CACNA1D: variants seen among roughly 807,000 people sequenced by gnomAD.
The protein encoded by CACNA1D is voltage-dependent L-type calcium channel subunit alpha-1D.
In CACNA1D, 55 loss-of-function variants were observed where a neutral mutation model predicts 257.1. The observed-to-expected ratio is 0.21, with a 90% CI of 0.17 to 0.27. The LOEUF is 0.27. Among genes scored for constraint, CACNA1D ranks in the 10% least tolerant of loss-of-function variants. CACNA1D has a pLI of 1.00. For missense variants in CACNA1D, 1,876 were observed against 2,784.0 expected (o/e 0.67, Z 7.34); for synonymous variants, 980 against 1,014.9 (o/e 0.97, Z 0.65).
chr3:53,495,657 C>A lies in CACNA1D; in HGVS notation c.67+424C>A. 6.6e-6 allele frequency among the ~76,000 whole-genome samples: 1 copy of A among 152,242 alleles called. No homozygotes were observed. The highest frequency in any genetic ancestry group is 1.5e-5 in the Non-Finnish European group (1 of 68,036). On this transcript the variant is annotated intron_variant, in intron 1 of 47. Transcript: ENST00000350061. The surrounding 1 kb of genome is among the most constrained non-coding windows in gnomAD (Gnocchi z 5.1). Reference sequence around the variant, plus strand: ...CCCTCGTTGACTAGGAAGAAGGTCCCTGGTGGCATCCGGAAAATTCTAGGA... The same window carrying A: ...CCCTCGTTGACTAGGAAGAAGGTCCATGGTGGCATCCGGAAAATTCTAGGA...
At chr3:53,747,537 C>T (rs2095182264) in intron 26 of CACNA1D, 89 bp downstream of exon 26, 1 of 1,374,276 alleles carries the variant, frequency 7.3e-7, no homozygotes, top group East Asian at 2.3e-5. Flanking sequence ...CATTTCTGTT[C>T]TCCAGTGTCG....
intron 3 of CACNA1D, among the ~76,000 whole-genome samples, chr3:53,559,821 T>G (rs1380558808): frequency 6.6e-6 from 1 of 152,176 alleles, no homozygotes; most frequent in Non-Finnish European, 1.5e-5. Flanking sequence ...TGCATTACTT[T>G]ACGTGACTGT....
At chr3:53,805,805 T>TCCCTC (rs2095560310) in intron 45 of CACNA1D, among the ~76,000 whole-genome samples, 2 of 85,088 alleles carry the variant, frequency 2.4e-5, no homozygotes, top group Admixed American at 2.4e-4. Context: ...CCTCCTCCTC[T>TCCCTC]ATCTTCCCTC....
chr3:53,503,235 A>G (rs539563210), intron 3 of CACNA1D, among the ~76,000 whole-genome samples: 9 of 152,366 alleles, frequency 5.9e-5, no homozygotes, highest in South Asian at 2.1e-4. Flanking sequence ...GGAGTCGGAT[A>G]ACCACATAAA....
At position 53,665,790 on chromosome 3, in the gene CACNA1D, A is replaced by G; in HGVS notation, c.897A>G (p.Lys299=). The G allele has an allele frequency of 6.2e-7, 1 of 1,613,304 alleles. No homozygotes were observed. The change falls in exon 6 of 48, where the codon AAA becomes AAG. Residue 299 remains lysine, a synonymous_variant. Transcript: ENST00000350061. The part of the protein sequence containing the change: ...GLELFIGKMH[K]TCFFADSDIV... ...AACTTTTTATTGGAAAAATGCACAA[A>G]ACATGTTTTTTTGCTGACTCAGGTG... is the stretch of plus-strand genomic sequence containing the variant.
chr3:53,804,456 C>CT (rs2095551914), intron 44 of CACNA1D, among the ~76,000 whole-genome samples: 1 of 152,200 alleles, frequency 6.6e-6, no homozygotes. Flanking sequence ...TAGGGCCTTG[C>CT]TTTTTATTTC....
At chr3:53,799,962 C>A (rs1041794939) in intron 40 of CACNA1D, 1 of 470,248 alleles carries the variant, frequency 2.1e-6, no homozygotes, top group East Asian at 4.2e-5. Flanking sequence ...CCTGGCAGAT[C>A]CTAGCACTAG....
intron 3 of CACNA1D, among the ~76,000 whole-genome samples, chr3:53,552,484 A>C (rs984112710): frequency 6.6e-6 from 1 of 152,096 alleles, no homozygotes; most frequent in Non-Finnish European, 1.5e-5. Context: ...AGGTTCAGGC[A>C]ATTCTCCTGC....
At chr3:53,710,435 AAAG>A (rs1208463462) in intron 9 of CACNA1D, 5 of 456,618 alleles carry the variant, frequency 1.1e-5, no homozygotes, top group African/African-American at 2.0e-5. Context: ...ATAAGAAGAA[AAAG>A]AAGTTTTGCT....
chr3:53,581,005 C>A (rs1447937587), intron 3 of CACNA1D, among the ~76,000 whole-genome samples: 1 of 152,198 alleles, frequency 6.6e-6, no homozygotes, highest in Non-Finnish European at 1.5e-5. Context: ...GTTTGGCCAC[C>A]TAAGCAATCT....
intron 3 of CACNA1D, among the ~76,000 whole-genome samples, chr3:53,520,226 C>G (rs952130728): frequency 6.6e-6 from 1 of 152,210 alleles, no homozygotes. Flanking sequence ...AGCTGCTTGC[C>G]AAAGCAGCTG....
At position 53,747,371 on chromosome 3, in the gene CACNA1D, C is replaced by G. The variant is rs781593694; in HGVS notation, c.3237C>G (p.Asn1079Lys). 12 of 1,613,896 alleles carry G rather than the reference C, an allele frequency of 7.4e-6. No homozygotes were observed. The Admixed American group carries it at 8.3e-5, about 11-fold the overall frequency. ...TGGTCCGTGAACGGATCTGGCAAAA[C>G]AGTGATTTCAACTTCGACAACGTCC... ...SPVVRERIWQ[N>K]SDFNFDNVLS... is the part of the protein sequence containing the mutation. Residue 1079 changes from asparagine (N) to lysine (K), a missense_variant, in exon 26 of 48, where the codon AAC becomes AAG. By Grantham distance (94) the Asn-to-Lys change is moderately conservative (BLOSUM62 0). Around this residue, in one of 10 missense-constraint regions of CACNA1D, gnomAD observed 271 missense variants for 425.5 expected, o/e 0.64. Transcript: ENST00000350061.
intron 3 of CACNA1D, among the ~76,000 whole-genome samples, chr3:53,555,851 AT>A (rs1421842925): frequency 5.9e-5 from 9 of 152,142 alleles, no homozygotes; most frequent in Non-Finnish European, 1.2e-4. Context: ...TACAGTAAAA[AT>A]CGGGGTGTGT....
At chr3:53,661,440 G>A (rs980313987) in intron 5 of CACNA1D, among the ~76,000 whole-genome samples, 1 of 152,148 alleles carries the variant, frequency 6.6e-6, no homozygotes, top group African/African-American at 2.4e-5. Flanking sequence ...ATCAGCACAA[G>A]TCAAAACCAC....
intron 3 of CACNA1D, among the ~76,000 whole-genome samples, chr3:53,643,283 A>G (rs988139250): frequency 2.0e-5 from 3 of 151,934 alleles, no homozygotes; most frequent in African/African-American, 7.3e-5. Flanking sequence ...AATGACCTCT[A>G]TTTACAGCCA....
chr3:53,551,806 C>T (rs148526679), intron 3 of CACNA1D, among the ~76,000 whole-genome samples: 5 of 152,340 alleles, frequency 3.3e-5, no homozygotes, highest in East Asian at 3.8e-4. Flanking sequence ...GGCCGTGCCT[C>T]CTCCTCGATC....
rs533470072 is a variant in CACNA1D at position 53,594,728 on chromosome 3, G to C, written c.484-56051G>C. ...GATCCCACTCTCTGCATGCAGAAAA[G>C]AGCAGCAGCCTTCTTGAAGCCTTCT... On this transcript the variant is annotated intron_variant, in intron 3 of 47. Coordinates refer to ENST00000350061, the MANE Select transcript of CACNA1D (RefSeq NM_001128840.3). Among the ~76,000 whole-genome samples, 436 of 152,370 alleles carry C rather than the reference G, an allele frequency of 2.9e-3. 5 individuals are homozygous for C. Among genetic ancestry groups the C allele is most frequent in the African/African-American group, 9.8e-3 (409 of 41,584 alleles).
intron 11 of CACNA1D, among the ~76,000 whole-genome samples, chr3:53,720,303 A>G (rs944278136): frequency 5.3e-5 from 8 of 152,248 alleles, no homozygotes; most frequent in African/African-American, 1.9e-4. Context: ...ATATAAAATC[A>G]TGAACATTCC....
chr3:53,620,283 C>G (rs1306353443), intron 3 of CACNA1D, among the ~76,000 whole-genome samples: 2 of 152,056 alleles, frequency 1.3e-5, no homozygotes, highest in African/African-American at 4.8e-5. Context: ...CAGTTCTCGT[C>G]CATCTCTCTT....
Sources: gnomAD v4.1 joint callset for allele counts (sites outside exome capture counted in the v4.1 genomes callset) on GRCh38, gnomAD v4.1.1 for gene constraint, gnomAD v4.1.1 regional missense constraint, Gnocchi (gnomAD v3.1) non-coding constraint, MANE v1.5 for transcripts, NCBI Gene and HGNC (gene_info 2026-07-23, HGNC 2026-07-21) for gene names.